The following ENTPD1 variants were observed in gnomAD, a reference collection of about 807,000 sequenced individuals.
ENTPD1 encodes the protein ectonucleoside triphosphate diphosphohydrolase 1.
A neutral mutation model predicts 57.0 loss-of-function variants in ENTPD1; 33 were observed. That is an observed-to-expected ratio of 0.58 (90% CI 0.44 to 0.77). The LOEUF (loss-of-function observed/expected upper bound fraction) is 0.77. Ranked by LOEUF, ENTPD1 falls within the 30% of genes least tolerant of loss-of-function variation. The pLI is 0.00. For synonymous variants in ENTPD1, 202 were observed against 218.8 expected, an observed-to-expected ratio of 0.92 and a Z score of 0.68; for missense variants, 501 against 603.4, an observed-to-expected ratio of 0.83 and a Z score of 1.78.
intron 6 of ENTPD1, chr10:95,846,409 G>C (rs1024941118): frequency 2.0e-5 from 3 of 152,118 alleles, no homozygotes; most frequent in African/African-American, 7.3e-5. Context: ...AAAAGAAAAA[G>C]AAAACAAAAG....
chr10:95,748,078 T>A (rs1298109592), intron 1 of ENTPD1, among the ~76,000 whole-genome samples: 2 of 152,144 alleles, frequency 1.3e-5, no homozygotes, highest in East Asian at 1.9e-4. Context: ...TTTCACTGTG[T>A]TAGCCCGGGT....
intron 1 of ENTPD1, among the ~76,000 whole-genome samples, chr10:95,788,939 A>T (rs2098191848): frequency 6.6e-6 from 1 of 152,222 alleles, no homozygotes; most frequent in African/African-American, 2.4e-5. Context: ...GAATTCTTTT[A>T]AAAGTAGCAT....
intron 3 of ENTPD1, among the ~76,000 whole-genome samples, chr10:95,840,036 C>T (rs1331977524): frequency 6.6e-6 from 1 of 152,148 alleles, no homozygotes; most frequent in Non-Finnish European, 1.5e-5. Flanking sequence ...AATAGTAGCT[C>T]CCATCAACAG....
At chr10:95,845,313 G>A in intron 5 of ENTPD1, 44 bp from the exon 6 acceptor site, 2 of 1,613,608 alleles carry the variant, frequency 1.2e-6, no homozygotes, top group South Asian at 1.1e-5. Context: ...TGAAAAGCAG[G>A]GTGTCCAGAG....
intron 1 of ENTPD1, among the ~76,000 whole-genome samples, chr10:95,775,884 C>T (rs1008420718): frequency 9.2e-5 from 14 of 152,120 alleles, no homozygotes; most frequent in Middle Eastern, 3.2e-3. Context: ...ATCCCTTTAC[C>T]ATTATGTAAT....
Position 95,874,496 on chromosome 10 carries a change from G to T in ENTPD1, c.*8113G>T, listed in dbSNP as rs1262293930. Among the ~76,000 whole-genome samples, 2 of 152,166 alleles carry T rather than the reference G, an allele frequency of 1.3e-5. No individual in the cohort carries two copies. Among genetic ancestry groups the T allele is most frequent in the African/African-American group, 4.8e-5 (2 of 41,432 alleles). ...GCCTCCCTCCTGGCTGCTTTCTCAGGCTGATGTTGAGTGTCTGTAGCTTTT... is the reference window on the plus strand; with the variant it reads ...GCCTCCCTCCTGGCTGCTTTCTCAGTCTGATGTTGAGTGTCTGTAGCTTTT... On this transcript the variant is annotated 3_prime_UTR_variant, in exon 10 of 10. Transcript: ENST00000371205.
chr10:95,766,744 C>T (rs541546742), intron 1 of ENTPD1, among the ~76,000 whole-genome samples: 10 of 152,148 alleles, frequency 6.6e-5, no homozygotes, highest in African/African-American at 2.4e-4. Context: ...TGCCTTTTCT[C>T]ATTTTATTCT....
At chr10:95,711,641 TC>T, upstream of ENTPD1, 1 of 329,364 alleles carries the variant, frequency 3.0e-6, no homozygotes, top group African/African-American at 2.1e-5. Context: ...ACAGATGGAA[TC>T]TTGCTTTGTT....
intron 1 of ENTPD1, among the ~76,000 whole-genome samples, chr10:95,812,848 A>T (rs993596099): frequency 3.3e-5 from 5 of 152,108 alleles, no homozygotes; most frequent in African/African-American, 1.2e-4. Flanking sequence ...TCTGAAAATT[A>T]TTTTTTTCAT....
In ENTPD1 at chr10:95,866,330, A is replaced by G. The variant is rs369128343; in HGVS notation, c.1480A>G (p.Ile494Val). The change falls in exon 10 of 10, where the codon ATA (isoleucine) becomes GTA (valine). Residue 494 changes from isoleucine (I) to valine (V), a missense_variant. Coordinates refer to ENST00000371205, the MANE Select transcript of ENTPD1 (RefSeq NM_001776.6). ...CCTGGTCCTTTTCACAGTGGCCATCATAGGCTTGCTTATCTTTCACAAGCC... is the reference window on the plus strand; with the variant it reads ...CCTGGTCCTTTTCACAGTGGCCATCGTAGGCTTGCTTATCTTTCACAAGCC... ...FSLVLFTVAI[I>V]GLLIFHKPSY... 11 of 1,614,192 alleles carry G rather than the reference A, an allele frequency of 6.8e-6. No homozygotes were observed. Among genetic ancestry groups the G allele is most frequent in the Non-Finnish European group, 9.3e-6 (11 of 1,180,034 alleles).
chr10:95,711,512 T>A (rs754725031), upstream of ENTPD1, among the ~76,000 whole-genome samples: 45 of 152,216 alleles, frequency 3.0e-4, no homozygotes, highest in Admixed American at 9.2e-4. Context: ...TTATTTTCAC[T>A]TTTTTTAGGG....
the ENTPD1 span, chr10:95,694,202 G>A: frequency 6.2e-5 from 25 of 401,836 alleles, no homozygotes; most frequent in Non-Finnish European, 9.4e-5. Context: ...GGAGTTCGGC[G>A]GACCGAGAGG....
In ENTPD1 at chr10:95,810,854, G is replaced by A. The variant is rs114148016; in HGVS notation, c.17-12383G>A. 6.2e-3 allele frequency among the ~76,000 whole-genome samples: 947 copies of A among 152,232 alleles called. 3 individuals are homozygous for A. The highest frequency in any genetic ancestry group is 0.021 in the African/African-American group (883 of 41,534). On this transcript the variant is annotated intron_variant, in intron 1 of 9. Coordinates refer to ENST00000371205, the MANE Select transcript of ENTPD1 (RefSeq NM_001776.6). ...CCACCTACCTTCCTCCTCACTAAAT[G>A]GGTACAGAAAATATGCTTAGAAAAA...
At chr10:95,838,902 C>T (rs1024878261) in intron 2 of ENTPD1, among the ~76,000 whole-genome samples, 1 of 152,174 alleles carries the variant, frequency 6.6e-6, no homozygotes, top group Non-Finnish European at 1.5e-5. Context: ...TCCTTCTTCT[C>T]CTCTGCTGAC....
Position 95,775,173 on chromosome 10 carries a change from A to G in ENTPD1, c.16+18918A>G, listed in dbSNP as rs572983580. On this transcript the variant is annotated intron_variant, in intron 1 of 9. Transcript: ENST00000371205. Reference sequence around the variant, plus strand: ...GAATGCTTGTGATTTTCGCATATTAATTTTGTATCCTGAGACTTTGCTGAA... The same window carrying G: ...GAATGCTTGTGATTTTCGCATATTAGTTTTGTATCCTGAGACTTTGCTGAA... Among the ~76,000 whole-genome samples, 16 of 152,312 alleles carry G rather than the reference A, an allele frequency of 1.1e-4. No individual in the cohort carries two copies. In the South Asian group the frequency reaches 3.1e-3, roughly 30 times the overall value.
chr10:95,735,887 GC>G (rs1262100094), intron 1 of ENTPD1, among the ~76,000 whole-genome samples: 1 of 152,038 alleles, frequency 6.6e-6, no homozygotes, highest in Admixed American at 6.6e-5. Flanking sequence ...ATGAGCCACT[GC>G]CCCCGGCTGA....
At chr10:95,756,546 T>C (rs1316164461) in intron 1 of ENTPD1, 1 of 427,190 alleles carries the variant, frequency 2.3e-6, no homozygotes, top group Non-Finnish European at 4.2e-6. Context: ...AATGACTTTT[T>C]CAGTCCCCTT....
upstream of ENTPD1, among the ~76,000 whole-genome samples, chr10:95,709,245 G>A (rs2097963703): frequency 6.6e-6 from 1 of 152,062 alleles, no homozygotes; most frequent in African/African-American, 2.4e-5. Context: ...AGTTTTATTT[G>A]TGTGTGTGTA....
At chr10:95,830,789 C>T (rs534433657) in intron 2 of ENTPD1, among the ~76,000 whole-genome samples, 8 of 152,008 alleles carry the variant, frequency 5.3e-5, no homozygotes, top group African/African-American at 7.2e-5. Context: ...GGCAACAGAG[C>T]GAGACTCTGT....
Sources: gnomAD v4.1 joint callset for allele counts (sites outside exome capture counted in the v4.1 genomes callset) on GRCh38, gnomAD v4.1.1 for gene constraint, MANE v1.5 for transcripts, NCBI Gene and HGNC (gene_info 2026-07-23, HGNC 2026-07-21) for gene names.